Variants in KCNIP1 observed in about 807,000 individuals in gnomAD.
The protein encoded by KCNIP1 is potassium voltage-gated channel interacting protein 1, also known as A-type potassium channel modulatory protein KCNIP1.
KCNIP1 carries 18 observed loss-of-function variants against 33.0 expected under a neutral mutation model. The ratio of observed to expected loss-of-function variants is 0.55; its 90% CI spans 0.38 to 0.81. The LOEUF (loss-of-function observed/expected upper bound fraction) is 0.81. Among genes scored for constraint, KCNIP1 ranks in the 30% least tolerant of loss-of-function variants. The pLI is 0.00. For synonymous variants in KCNIP1, 93 were observed against 98.3 expected, an observed-to-expected ratio of 0.95 and a Z score of 0.32; for missense variants, 238 against 271.6, an observed-to-expected ratio of 0.88 and a Z score of 0.87.
intron 1 of KCNIP1, among the ~76,000 whole-genome samples, chr5:170,607,360 G>C (rs549532944): frequency 2.6e-5 from 4 of 152,170 alleles, no homozygotes; most frequent in Non-Finnish European, 5.9e-5. Context: ...CACAGTAAGT[G>C]CTCAGTTTAT....
At chr5:170,356,452 C>T (rs1581103174) in intron 1 of KCNIP1, among the ~76,000 whole-genome samples, 1 of 152,206 alleles carries the variant, frequency 6.6e-6, no homozygotes, top group Non-Finnish European at 1.5e-5. Context: ...CACCTCCTGC[C>T]ATGCCAGAAA....
At chr5:170,580,606 G>A (rs980095428) in intron 1 of KCNIP1, among the ~76,000 whole-genome samples, 10 of 152,144 alleles carry the variant, frequency 6.6e-5, no homozygotes, top group Admixed American at 2.0e-4. Flanking sequence ...TGCAGACCAC[G>A]CTGGGCATAT....
At chr5:170,491,604 A>G (rs546513081) in intron 1 of KCNIP1, among the ~76,000 whole-genome samples, 2 of 152,320 alleles carry the variant, frequency 1.3e-5, no homozygotes, top group Admixed American at 1.3e-4. Flanking sequence ...TTTAAGCTTC[A>G]TGTGATATTA....
intron 1 of KCNIP1, among the ~76,000 whole-genome samples, chr5:170,554,342 T>C (rs908432620): frequency 5.3e-5 from 8 of 152,152 alleles, no homozygotes; most frequent in Admixed American, 4.6e-4. Flanking sequence ...CATGCCAGCT[T>C]ATCCGGATTC....
intron 1 of KCNIP1, among the ~76,000 whole-genome samples, chr5:170,446,914 C>T (rs1373235174): frequency 6.6e-6 from 1 of 152,212 alleles, no homozygotes; most frequent in Non-Finnish European, 1.5e-5. Context: ...CCTGACTGAA[C>T]CAAATTTCCT....
chr5:170,383,542 G>T, intron 1 of KCNIP1: 1 of 912,522 alleles, frequency 1.1e-6, no homozygotes, highest in Non-Finnish European at 1.7e-6. Context: ...AGCTAGGGCT[G>T]GCTCAGTCTC....
chr5:170,498,611 C>A (rs1757354617), intron 1 of KCNIP1, among the ~76,000 whole-genome samples: 1 of 152,196 alleles, frequency 6.6e-6, no homozygotes, highest in Non-Finnish European at 1.5e-5. Flanking sequence ...AGAGCAGGTA[C>A]TCTTGCCTCT....
chr5:170,585,286 G>C (rs992475062), intron 1 of KCNIP1, among the ~76,000 whole-genome samples: 2 of 152,122 alleles, frequency 1.3e-5, no homozygotes, highest in African/African-American at 4.8e-5. Context: ...ATTTTTCAGA[G>C]GGGGGGATCT....
chr5:170,714,196 C>T (rs181872171), intron 1 of KCNIP1, among the ~76,000 whole-genome samples: 2 of 152,296 alleles, frequency 1.3e-5, no homozygotes, highest in Admixed American at 1.3e-4. Flanking sequence ...CCACTGCTCA[C>T]AGTCCAGGTC....
In KCNIP1 at chr5:170,712,790, A is replaced by C. The variant is rs1763498405; in HGVS notation, c.62-5968A>C. 3.3e-6 allele frequency: 5 copies of C among 1,527,692 alleles called. No homozygotes were observed. The South Asian group carries it at 4.5e-5, about 14-fold the overall frequency. 94.6% of individuals were successfully genotyped at this position (1,527,692 alleles called of 1,614,324 possible). On this transcript the variant is annotated intron_variant, in intron 1 of 7. Transcript: ENST00000328939. ...CTCAGAGCGGCCTCTCTCCATTGAC[A>C]ATAAAAGTGTGTTTTGCTTTTCGAT...
chr5:170,424,187 T>C (rs1478674974), intron 1 of KCNIP1, among the ~76,000 whole-genome samples: 1 of 152,042 alleles, frequency 6.6e-6, no homozygotes, highest in African/African-American at 2.4e-5. Flanking sequence ...CTTACCCAAG[T>C]GCGGGGTAGC....
intron 1 of KCNIP1, among the ~76,000 whole-genome samples, chr5:170,664,955 G>A (rs1008628109): frequency 1.3e-5 from 2 of 152,110 alleles, no homozygotes; most frequent in African/African-American, 4.8e-5. Context: ...CTCAGTGAAA[G>A]CCTCTAATCC....
chr5:170,574,531 C>T (rs934991466), intron 1 of KCNIP1, among the ~76,000 whole-genome samples: 2 of 152,234 alleles, frequency 1.3e-5, no homozygotes, highest in Non-Finnish European at 2.9e-5. Context: ...AAAACAATTA[C>T]AGATATGGCA....
At chr5:170,700,645 A>G (rs1250544141) in intron 1 of KCNIP1, among the ~76,000 whole-genome samples, 1 of 152,224 alleles carries the variant, frequency 6.6e-6, no homozygotes, top group Non-Finnish European at 1.5e-5. Flanking sequence ...TTGTTCATGC[A>G]TGGAATTGTG....
intron 1 of KCNIP1, among the ~76,000 whole-genome samples, chr5:170,420,012 T>A (rs1755440330): frequency 6.6e-6 from 1 of 152,214 alleles, no homozygotes. Context: ...CCCCGCCCAC[T>A]GTTTCTCTTC....
At chr5:170,501,423 C>A (rs1236139057), upstream of KCNIP1, among the ~76,000 whole-genome samples, 2 of 152,082 alleles carry the variant, frequency 1.3e-5, no homozygotes, top group African/African-American at 2.4e-5. Flanking sequence ...TAGAAGAAGC[C>A]ACAGGCCACA....
intron 1 of KCNIP1, among the ~76,000 whole-genome samples, chr5:170,535,300 A>C (rs544854377): frequency 3.9e-5 from 6 of 152,282 alleles, no homozygotes; most frequent in Non-Finnish European, 7.4e-5. Flanking sequence ...AGTGGAACCA[A>C]GCGGGGTGCC....
At chr5:170,573,808 T>C (rs1757501009) in intron 1 of KCNIP1, among the ~76,000 whole-genome samples, 1 of 152,272 alleles carries the variant, frequency 6.6e-6, no homozygotes, top group Non-Finnish European at 1.5e-5. Flanking sequence ...ACAGAGACCT[T>C]ATGGCCCATA....
intron 1 of KCNIP1, among the ~76,000 whole-genome samples, chr5:170,576,421 A>G (rs1757606792): frequency 6.6e-6 from 1 of 152,236 alleles, no homozygotes; most frequent in African/African-American, 2.4e-5. Context: ...ATATTGTAAC[A>G]GAAGCCCACC....
Sources: gnomAD v4.1 joint callset for allele counts (sites outside exome capture counted in the v4.1 genomes callset) on GRCh38, gnomAD v4.1.1 for gene constraint, MANE v1.5 for transcripts, NCBI Gene and HGNC (gene_info 2026-07-23, HGNC 2026-07-21) for gene names.